Variants in CSMD2 observed in about 807,000 individuals in gnomAD.
CSMD2 encodes the protein CUB and sushi domain-containing protein 2.
CSMD2 carries 130 observed loss-of-function variants against 398.5 expected under a neutral mutation model. The observed-to-expected ratio is 0.33, with a 90% CI of 0.28 to 0.38. The LOEUF (loss-of-function observed/expected upper bound fraction) is 0.38, where lower values mean the gene tolerates loss of function less well. CSMD2 is among the 10% of genes least tolerant of loss of function. CSMD2 has a pLI of 1.00. For missense variants in CSMD2, 3,829 were observed against 4,764.9 expected (o/e 0.80, Z 5.78); for synonymous variants, 1,828 against 1,908.5 (o/e 0.96, Z 1.10).
chr1:33,519,726 G>C lies in CSMD2; in HGVS notation c.10737-49C>G, dbSNP rs1654083563. ...CACGGCATGAAAAGAGCGACACAGA[G>C]AGGCTTAGGGGTCTGGTGCGGGGGG... On this transcript the variant is annotated intron_variant, in intron 69 of 70. Coordinates refer to ENST00000373381, the MANE Select transcript of CSMD2 (RefSeq NM_001281956.2). The surrounding 1 kb of genome is among the most constrained non-coding windows in gnomAD (Gnocchi z 5.6). 4 of 1,613,822 alleles carry C rather than the reference G, an allele frequency of 2.5e-6. No individual in the cohort carries two copies. Among genetic ancestry groups the C allele is most frequent in the Non-Finnish European group, 3.4e-6 (4 of 1,179,806 alleles).
chr1:33,630,460 T>C (rs1218451921), intron 32 of CSMD2, among the ~76,000 whole-genome samples: 2 of 152,234 alleles, frequency 1.3e-5, no homozygotes, highest in Admixed American at 6.5e-5. Flanking sequence ...GGACTCTTTT[T>C]CTTTGCATTT....
At chr1:33,989,613 A>G (rs1397427073) in intron 3 of CSMD2, among the ~76,000 whole-genome samples, 2 of 152,210 alleles carry the variant, frequency 1.3e-5, no homozygotes, top group Admixed American at 6.5e-5. Flanking sequence ...TAAAGAAATT[A>G]TGGTATATTA....
At chr1:33,908,641 T>C (rs1188060748) in intron 5 of CSMD2, among the ~76,000 whole-genome samples, 2 of 152,252 alleles carry the variant, frequency 1.3e-5, no homozygotes, top group African/African-American at 4.8e-5. Flanking sequence ...CCAGTTCACT[T>C]CCTGCTCCTC....
intron 3 of CSMD2, among the ~76,000 whole-genome samples, chr1:33,978,325 T>C (rs1646042634): frequency 6.6e-6 from 1 of 152,152 alleles, no homozygotes; most frequent in Non-Finnish European, 1.5e-5. Flanking sequence ...AACATACAAG[T>C]CGTTATTTCA....
intron 1 of CSMD2, among the ~76,000 whole-genome samples, chr1:34,147,609 G>A (rs988710849): frequency 6.7e-6 from 1 of 150,182 alleles, no homozygotes; most frequent in Admixed American, 6.7e-5. Flanking sequence ...TGGCTGGGGA[G>A]GAAAGGAGAG....
chr1:33,842,599 G>T (rs1464086285), intron 6 of CSMD2, among the ~76,000 whole-genome samples: 2 of 152,094 alleles, frequency 1.3e-5, no homozygotes, highest in Admixed American at 6.6e-5. Context: ...AGGCCTGTGG[G>T]CCTCTTGTGT....
At chr1:33,797,510 T>C (rs1420190201) in intron 10 of CSMD2, among the ~76,000 whole-genome samples, 2 of 152,168 alleles carry the variant, frequency 1.3e-5, no homozygotes, top group African/African-American at 4.8e-5. Flanking sequence ...AGGCAAGTGG[T>C]AGAGCTGGGA....
At chr1:33,942,258 G>C (rs1644699522) in intron 3 of CSMD2, among the ~76,000 whole-genome samples, 1 of 152,208 alleles carries the variant, frequency 6.6e-6, no homozygotes, top group African/African-American at 2.4e-5. Context: ...ATTTCTGCCT[G>C]CAATAGGCCA....
chr1:33,542,971 G>A (rs2148602147), intron 57 of CSMD2, 75 bp from the exon 58 acceptor site: 1 of 1,310,640 alleles, frequency 7.6e-7, no homozygotes, highest in East Asian at 2.4e-5. Context: ...ACTGCCCAGA[G>A]TGGAAGCCAC....
At chr1:33,883,534 G>A (rs1641378285) in intron 5 of CSMD2, among the ~76,000 whole-genome samples, 2 of 152,122 alleles carry the variant, frequency 1.3e-5, no homozygotes, top group African/African-American at 4.8e-5. Context: ...ATAGCCTAGG[G>A]TGAGTATTGA....
At chr1:33,870,087 A>G (rs1381172018) in intron 5 of CSMD2, 1 of 152,170 alleles carries the variant, frequency 6.6e-6, no homozygotes, top group Non-Finnish European at 1.5e-5. Flanking sequence ...AAAAATGTCC[A>G]ATTCCTGGGC....
At chr1:34,028,192 G>A (rs897210295) in intron 3 of CSMD2, among the ~76,000 whole-genome samples, 12 of 152,006 alleles carry the variant, frequency 7.9e-5, no homozygotes, top group African/African-American at 2.9e-4. Flanking sequence ...GTGGTGGCGC[G>A]TGTCTGCGGT....
intron 1 of CSMD2, among the ~76,000 whole-genome samples, chr1:34,119,238 A>T (rs1320832825): frequency 6.6e-6 from 1 of 152,184 alleles, no homozygotes; most frequent in Non-Finnish European, 1.5e-5. Flanking sequence ...ATAAAGTTGG[A>T]CCCTTACCAT....
At chr1:33,907,402 C>T (rs1023467037) in intron 5 of CSMD2, among the ~76,000 whole-genome samples, 4 of 151,972 alleles carry the variant, frequency 2.6e-5, no homozygotes, top group African/African-American at 9.7e-5. Flanking sequence ...GCTGGGATTA[C>T]AGGTGAGAGC....
chr1:33,795,797 C>T (rs1654883477), intron 10 of CSMD2, among the ~76,000 whole-genome samples: 1 of 152,242 alleles, frequency 6.6e-6, no homozygotes, highest in Non-Finnish European at 1.5e-5. Context: ...GTACCAGTTC[C>T]TGTCGGTGGG....
At chr1:33,984,606 G>T (rs1036955377) in intron 3 of CSMD2, among the ~76,000 whole-genome samples, 1 of 152,168 alleles carries the variant, frequency 6.6e-6, no homozygotes, top group Non-Finnish European at 1.5e-5. Flanking sequence ...AACATAGCGA[G>T]ACTCTGTCTT....
intron 37 of CSMD2, among the ~76,000 whole-genome samples, chr1:33,621,776 G>T (rs1233352995): frequency 6.6e-6 from 1 of 152,202 alleles, no homozygotes; most frequent in Non-Finnish European, 1.5e-5. Flanking sequence ...GAAGATGAGT[G>T]AGGTAGCCAA....
intron 70 of CSMD2, among the ~76,000 whole-genome samples, chr1:33,517,360 C>G (rs10914738): frequency 2.6e-5 from 4 of 151,976 alleles, no homozygotes; most frequent in Non-Finnish European, 5.9e-5. Context: ...CCAGCCGACC[C>G]GGAGGTGACA....
intron 5 of CSMD2, chr1:33,882,077 A>C (rs1218976803): frequency 6.6e-6 from 1 of 152,190 alleles, no homozygotes; most frequent in African/African-American, 2.4e-5. Context: ...TAAATCCCTA[A>C]AAGTGGTATC....
Sources: allele counts gnomAD v4.1 joint callset (sites outside exome capture counted in the v4.1 genomes callset), GRCh38; gene constraint gnomAD v4.1.1; non-coding constraint Gnocchi (gnomAD v3.1); transcripts MANE v1.5; gene names NCBI Gene and HGNC (gene_info 2026-07-23, HGNC 2026-07-21).